Variants in PDIA3 observed in about 807,000 individuals in gnomAD.
PDIA3 encodes protein disulfide-isomerase A3.
Under a neutral mutation model 56.9 loss-of-function variants are expected in PDIA3, and 16 were observed. The ratio of observed to expected loss-of-function variants is 0.28; its 90% CI spans 0.19 to 0.43. The LOEUF is 0.43. Ranked by LOEUF, PDIA3 falls within the 20% of genes least tolerant of loss-of-function variation. The pLI is 1.00. For missense variants in PDIA3, 485 were observed against 621.3 expected, an observed-to-expected ratio of 0.78 and a Z score of 2.33; for synonymous variants, 192 against 216.5, an observed-to-expected ratio of 0.89 and a Z score of 0.99.
rs1286643002 is a variant in PDIA3 at position 43,770,556 on chromosome 15, G to A, written c.1380G>A (p.Lys460=). ...CCATATACTTCTCTCCAGCCAACAAGAAGCTAAATCCAAAGAAATATGAAG... is the reference window on the plus strand; with the variant it reads ...CCATATACTTCTCTCCAGCCAACAAAAAGCTAAATCCAAAGAAATATGAAG... The part of the protein sequence containing the change: ...FPTIYFSPAN[K]KLNPKKYEGG... Residue 460 remains lysine (K), a synonymous_variant, in exon 12 of 13, where the codon AAG becomes AAA. Transcript: ENST00000300289. 6.2e-7 allele frequency: 1 copy of A among 1,611,750 alleles called. No individual in the cohort carries two copies. The highest frequency in any genetic ancestry group is 1.1e-5 in the South Asian group (1 of 91,036).
At chr15:43,747,963 A>G (rs1037557149) in intron 1 of PDIA3, among the ~76,000 whole-genome samples, 1 of 152,192 alleles carries the variant, frequency 6.6e-6, no homozygotes, top group Non-Finnish European at 1.5e-5. Flanking sequence ...ACATATAGAT[A>G]GTTCTTATAC....
chr15:43,757,513 G>A (rs778544866), intron 3 of PDIA3, among the ~76,000 whole-genome samples: 7 of 150,310 alleles, frequency 4.7e-5, no homozygotes, highest in Non-Finnish European at 1.0e-4. Context: ...AGCCGAGATC[G>A]CGCCACTGCA....
Position 43,746,668 on chromosome 15 carries a change from C to A in PDIA3, c.129C>A (p.Gly43=), listed in dbSNP as rs774936056. 1.3e-4 allele frequency: 216 copies of A among 1,612,750 alleles called. No individual in the cohort carries two copies. Among genetic ancestry groups the A allele is most frequent in the Non-Finnish European group, 1.7e-4 (201 of 1,179,904 alleles). The change falls in exon 1 of 13, where the codon GGC becomes GGA. Residue 43 remains glycine (G), a synonymous_variant. Transcript: ENST00000300289. The part of the protein sequence containing the change: ...DNFESRISDT[G]SAGLMLVEFF... ...TCGAGAGTCGCATCTCCGACACGGG[C>A]TCTGCGGGCCTCATGCTCGTCGAGT...
At chr15:43,756,798 A>G in intron 3 of PDIA3, 32 bp downstream of exon 3, 1 of 1,126,408 alleles carries the variant, frequency 8.9e-7, no homozygotes, top group South Asian at 1.3e-5. Context: ...CTGGAAACTG[A>G]TGTTAAGTAC....
At chr15:43,768,674 A>G in intron 9 of PDIA3, 77 bp downstream of exon 9, 1 of 957,434 alleles carries the variant, frequency 1.0e-6, no homozygotes, top group Non-Finnish European at 1.7e-6. Flanking sequence ...GTGGGGTCTA[A>G]ATGAAGACTT....
At chr15:43,753,952 T>C (rs1386463392) in intron 2 of PDIA3, 50 bp downstream of exon 2, 1 of 1,271,392 alleles carries the variant, frequency 7.9e-7, no homozygotes, top group East Asian at 2.3e-5. Flanking sequence ...TTTTAAAAAG[T>C]AGTTTGTTGT....
Position 43,763,165 on chromosome 15 carries a change from G to A in PDIA3, c.561G>A (p.Thr187=), listed in dbSNP as rs767631419. The A allele has an allele frequency of 3.1e-6, 5 of 1,614,054 alleles. No homozygotes were observed. The highest frequency in any genetic ancestry group is 1.6e-4 in the Middle Eastern group (1 of 6,062). Residue 187 remains threonine, a synonymous_variant, in exon 5 of 13, where the codon ACG becomes ACA. Transcript: ENST00000300289. ...NLRDNYRFAH[T]NVESLVNEYD... is the part of the protein sequence containing the mutation. ...GGGATAACTACCGATTTGCACATAC[G>A]AATGTTGAGTCTCTGGTGAACGAGT... is the stretch of plus-strand genomic sequence containing the variant.
intron 9 of PDIA3, 123 bp downstream of exon 9, chr15:43,768,720 C>G: frequency 7.5e-6 from 5 of 662,904 alleles, no homozygotes; most frequent in Non-Finnish European, 1.3e-5. Context: ...TCCTTACTCC[C>G]GAGTCATAAA....
chr15:43,754,441 C>T (rs1006520768), intron 2 of PDIA3, among the ~76,000 whole-genome samples: 4 of 149,868 alleles, frequency 2.7e-5, no homozygotes, highest in Non-Finnish European at 5.9e-5. Flanking sequence ...AAGGAAATTA[C>T]TGGCATAAGA....
chr15:43,769,431 A>G, intron 9 of PDIA3, 87 bp from the exon 10 acceptor site: 2 of 1,269,400 alleles, frequency 1.6e-6, no homozygotes, highest in Non-Finnish European at 1.1e-6. Flanking sequence ...AACACATCAA[A>G]TTAGAGAGGG....
chr15:43,767,558 A>ACTTGAGGC (rs2086855492), intron 8 of PDIA3, among the ~76,000 whole-genome samples: 1 of 151,246 alleles, frequency 6.6e-6, no homozygotes, highest in South Asian at 2.1e-4. Flanking sequence ...CATGTGGATC[A>ACTTGAGGC]CAGGAGTTAA....
chr15:43,773,004 G>T lies in PDIA3; in HGVS notation c.*1786G>T. ...AGAGCAGCTCTCTACTTGCCACCAT[G>T]GACTCCAGTGGTCAGCATAAGAAAA... On this transcript the variant is annotated 3_prime_UTR_variant, in exon 13 of 13. Transcript: ENST00000300289. 9.9e-7 allele frequency: 1 copy of T among 1,011,430 alleles called. No homozygotes were observed. Among genetic ancestry groups the T allele is most frequent in the Non-Finnish European group, 1.5e-6 (1 of 681,752 alleles). 62.7% of individuals were successfully genotyped at this position (1,011,430 alleles called of 1,614,324 possible).
intron 8 of PDIA3, among the ~76,000 whole-genome samples, 167 bp from the exon 9 acceptor site, chr15:43,768,322 G>A (rs2086860800): frequency 6.6e-6 from 1 of 152,204 alleles, no homozygotes; most frequent in Admixed American, 6.5e-5. Flanking sequence ...AGAAATAAAA[G>A]GAACGGTTTG....
intron 9 of PDIA3, 126 bp from the exon 10 acceptor site, chr15:43,769,392 T>G: frequency 1.3e-6 from 1 of 794,846 alleles, no homozygotes; most frequent in Non-Finnish European, 2.0e-6. Flanking sequence ...TAAATGTGAT[T>G]TGGGTTTCCA....
In PDIA3 at chr15:43,746,727, CG is replaced by C. The variant is rs538787940; in HGVS notation, c.167+26del. ...CCCTGGTGAGTCCATTCTGCCGAGGCGGGGGAAGAAAGGCGGGGCTGGGCCG... is the reference window on the plus strand; with the variant it reads ...CCCTGGTGAGTCCATTCTGCCGAGGCGGGGAAGAAAGGCGGGGCTGGGCCG... On this transcript the variant is annotated intron_variant, in intron 1 of 12. Transcript: ENST00000300289. The C allele has an allele frequency of 1.4e-4, 233 of 1,611,034 alleles. 1 individual carries two copies. The highest frequency in any genetic ancestry group is 8.2e-4 in the Admixed American group (49 of 59,900).
chr15:43,762,855 C>T (rs2086825536), intron 4 of PDIA3, among the ~76,000 whole-genome samples: 2 of 152,148 alleles, frequency 1.3e-5, no homozygotes, highest in African/African-American at 4.8e-5. Flanking sequence ...TGAACACTGA[C>T]AAATTTTCTC....
chr15:43,761,551 C>G lies in PDIA3; in HGVS notation c.472+20C>G, dbSNP rs758475479. 1.6e-6 allele frequency: 2 copies of G among 1,223,788 alleles called. No homozygotes were observed. The highest frequency in any genetic ancestry group is 1.2e-5 in the South Asian group (1 of 80,170). The allele number at this position is 1,223,788 out of a possible 1,614,324, so 75.8% of individuals were successfully genotyped here. A position where few individuals can be genotyped will look rare whatever the true frequency, so the allele number is the denominator to read the frequency against. On this transcript the variant is annotated intron_variant, in intron 4 of 12. Coordinates refer to ENST00000300289, the MANE Select transcript of PDIA3 (RefSeq NM_005313.5). ...TAGTAGGTAAGTAGCAAATATTAAACCGTGCCACAGAATTGTCAGTTTGGT... is the reference window on the plus strand; with the variant it reads ...TAGTAGGTAAGTAGCAAATATTAAAGCGTGCCACAGAATTGTCAGTTTGGT...
rs543480947 is a variant in PDIA3, at chr15:43,771,091, C to G, written c.1405-14C>G. Reference sequence around the variant, plus strand: ...TAAAAAGTTACACTTTTAAGCTGATCTTTCTGTTTTCAGGGTGGCCGTGAA... The same window carrying G: ...TAAAAAGTTACACTTTTAAGCTGATGTTTCTGTTTTCAGGGTGGCCGTGAA... On this transcript the variant is annotated splice_polypyrimidine_tract_variant and intron_variant, in intron 12 of 12. Coordinates refer to ENST00000300289, the MANE Select transcript of PDIA3 (RefSeq NM_005313.5). 10 of 1,570,270 alleles carry G rather than the reference C, an allele frequency of 6.4e-6. No individual in the cohort carries two copies. The African/African-American group carries it at 1.2e-4, about 19-fold the overall frequency.
At chr15:43,765,380 C>T in intron 5 of PDIA3, 70 bp from the exon 6 acceptor site, 1 of 705,968 alleles carries the variant, frequency 1.4e-6, no homozygotes, top group Non-Finnish European at 2.3e-6. Context: ...AACCCTATCT[C>T]AAAAAAAAAA....
Sources: allele counts gnomAD v4.1 joint callset (sites outside exome capture counted in the v4.1 genomes callset), GRCh38; gene constraint gnomAD v4.1.1; transcripts MANE v1.5; gene names NCBI Gene and HGNC (gene_info 2026-07-23, HGNC 2026-07-21).